The following OR56B2 variants were observed in gnomAD, a reference collection of about 807,000 sequenced individuals.
The protein encoded by OR56B2 is olfactory receptor 56B2.
the OR56B2 span, among the ~76,000 whole-genome samples, chr11:5,764,689 A>T: frequency 7.2e-6 from 1 of 139,798 alleles, no homozygotes; most frequent in Non-Finnish European, 1.6e-5. Flanking sequence ...TGCATAAAAA[A>T]CCACTACTCT....
At chr11:5,765,175 G>T in the OR56B2 span, 1 of 175,654 alleles carries the variant, frequency 5.7e-6, no homozygotes, top group Non-Finnish European at 1.3e-5. Context: ...GGATTCCCTG[G>T]CATTCACAGT....
the OR56B2 span, chr11:5,766,509 G>C: frequency 1.4e-5 from 2 of 139,328 alleles, 1 homozygote; most frequent in African/African-American, 5.3e-5. Context: ...TTTTTAATTT[G>C]CAAAGGACTT....
the OR56B2 span, among the ~76,000 whole-genome samples, chr11:5,761,584 C>A: frequency 6.6e-6 from 1 of 152,026 alleles, no homozygotes; most frequent in Admixed American, 6.6e-5. Flanking sequence ...TAATTCTTCA[C>A]AAAATTTTTT....
chr11:5,768,906 T>C, the OR56B2 span, among the ~76,000 whole-genome samples: 1 of 135,224 alleles, frequency 7.4e-6, no homozygotes, highest in East Asian at 2.1e-4. Flanking sequence ...AATTTGATGT[T>C]ATCCAAACGT....
At chr11:5,762,680 T>A in the OR56B2 span, among the ~76,000 whole-genome samples, 1 of 152,086 alleles carries the variant, frequency 6.6e-6, no homozygotes, top group African/African-American at 2.4e-5. Context: ...ATAATTTAAA[T>A]GTTCCTAGCA....
At chr11:5,761,262 A>G in the OR56B2 span, 1 of 152,204 alleles carries the variant, frequency 6.6e-6, no homozygotes, top group Non-Finnish European at 1.5e-5. Flanking sequence ...CTGGGGCCAG[A>G]GTCAGTCTTT....
the OR56B2 span, among the ~76,000 whole-genome samples, chr11:5,763,041 G>A: frequency 6.6e-6 from 1 of 151,782 alleles, no homozygotes; most frequent in African/African-American, 2.4e-5. Flanking sequence ...GATTTATTCT[G>A]CTTTCAAATT....
At chr11:5,762,354 G>T in the OR56B2 span, among the ~76,000 whole-genome samples, 5 of 151,908 alleles carry the variant, frequency 3.3e-5, no homozygotes, top group African/African-American at 1.2e-4. Flanking sequence ...ATCGTTTAAT[G>T]CCCTTGCTAA....
At chr11:5,766,648 T>C in the OR56B2 span, 1 of 139,240 alleles carries the variant, frequency 7.2e-6, no homozygotes, top group Non-Finnish European at 1.6e-5. Context: ...TTACCCCCTA[T>C]ATTATACAAC....
the OR56B2 span, among the ~76,000 whole-genome samples, chr11:5,768,908 T>A: frequency 3.7e-5 from 5 of 134,932 alleles, 2 homozygotes; most frequent in African/African-American, 1.4e-4. Context: ...TTTGATGTTA[T>A]CCAAACGTTT....
chr11:5,763,221 C>T, the OR56B2 span, among the ~76,000 whole-genome samples: 4 of 151,990 alleles, frequency 2.6e-5, no homozygotes, highest in African/African-American at 9.7e-5. Flanking sequence ...TTCATCTTGT[C>T]TTGATGAGAT....
the OR56B2 span, among the ~76,000 whole-genome samples, chr11:5,768,716 T>G: frequency 1.4e-5 from 2 of 139,846 alleles, no homozygotes; most frequent in Admixed American, 1.5e-4. Flanking sequence ...ATTCTCTACA[T>G]GTATATTTGT....
chr11:5,762,765 G>A, the OR56B2 span, among the ~76,000 whole-genome samples: 1 of 151,776 alleles, frequency 6.6e-6, no homozygotes, highest in African/African-American at 2.4e-5. Context: ...AATAATTCAA[G>A]AAAAAATCTA....
At chr11:5,767,145 C>G in the OR56B2 span, 1 of 139,364 alleles carries the variant, frequency 7.2e-6, no homozygotes, top group Non-Finnish European at 1.6e-5. Context: ...CAGACAAGGT[C>G]AAAGGGAAAA....
the OR56B2 span, chr11:5,765,992 T>C: frequency 7.1e-6 from 1 of 140,534 alleles, no homozygotes; most frequent in Non-Finnish European, 1.6e-5. Flanking sequence ...CCATGGTATA[T>C]GCACTCAAGA....
At chr11:5,767,318 C>A in the OR56B2 span, 2 of 139,314 alleles carry the variant, frequency 1.4e-5, 1 homozygote, top group Non-Finnish European at 3.2e-5. Flanking sequence ...AATCCATCCC[C>A]AGGACCCAAA....
the OR56B2 span, among the ~76,000 whole-genome samples, chr11:5,763,399 C>T: frequency 3.2e-5 from 3 of 93,464 alleles, 1 homozygote; most frequent in Non-Finnish European, 4.8e-5. Flanking sequence ...CCGCAACCTC[C>T]GCCTCCTGGG....
the OR56B2 span, among the ~76,000 whole-genome samples, chr11:5,762,218 C>G: frequency 6.6e-6 from 1 of 151,198 alleles, no homozygotes; most frequent in Admixed American, 6.6e-5. Context: ...TTTTTCTTTA[C>G]TAATCTATTG....
At chr11:5,762,632 C>A in the OR56B2 span, among the ~76,000 whole-genome samples, 93 of 151,936 alleles carry the variant, frequency 6.1e-4, no homozygotes, top group Non-Finnish European at 1.1e-3. Context: ...CTAAAGTTAA[C>A]AATAATCTAT....
Sources: allele counts gnomAD v4.1 joint callset (sites outside exome capture counted in the v4.1 genomes callset), GRCh38; gene constraint gnomAD v4.1.1; transcripts MANE v1.5; gene names NCBI Gene and HGNC (gene_info 2026-07-23, HGNC 2026-07-21).